RFNG: variants seen among roughly 807,000 people sequenced by gnomAD.
RFNG encodes beta-1,3-N-acetylglucosaminyltransferase radical fringe.
In RFNG, 37 loss-of-function variants were observed where a neutral mutation model predicts 29.6. The observed-to-expected ratio is 1.25, with a 90% CI of 0.96 to 1.65. The LOEUF (loss-of-function observed/expected upper bound fraction) is 1.65, where lower values mean the gene tolerates loss of function less well. Ranked by LOEUF, RFNG falls within the 40% of genes most tolerant of loss-of-function variation. RFNG has a pLI of 0.00. For missense variants in RFNG, 546 were observed against 457.0 expected (o/e 1.19, Z -1.78); for synonymous variants, 276 against 197.3 (o/e 1.40, Z -3.34).
chr17:82,049,178 C>CCG, intron 6 of RFNG, 62 bp from the exon 7 acceptor site: 1 of 1,428,584 alleles, frequency 7.0e-7, no homozygotes, highest in Non-Finnish European at 9.8e-7. Context: ...ACGCCTGCCC[C>CCG]TGGCCAGGAG....
In RFNG at chr17:82,051,556, G is replaced by T; in HGVS notation, c.211C>A (p.His71Asn). ...AGCAGCAGCCGCAGGCGCGGCCCGT[G>T]GTTCTTCCGGGTGGTCTTGACGGCG... ...FIAVKTTRKN[H>N]GPRLRLLLRT... The change falls in exon 1 of 8, where the codon CAC becomes AAC. Residue 71 changes from histidine to asparagine, a missense_variant. Coordinates refer to ENST00000310496, the MANE Select transcript of RFNG (RefSeq NM_002917.2). The surrounding 1 kb of genome is among the most constrained non-coding windows in gnomAD (Gnocchi z 4.1). 1 of 1,395,920 alleles carries T rather than the reference G, an allele frequency of 7.2e-7. No individual in the cohort carries two copies. The highest frequency in any genetic ancestry group is 3.2e-5 in the East Asian group (1 of 31,326). 86.5% of individuals were successfully genotyped at this position (1,395,920 alleles called of 1,614,324 possible).
chr17:82,050,838 C>G, intron 2 of RFNG, 74 bp from the exon 3 acceptor site: 1 of 1,502,574 alleles, frequency 6.7e-7, no homozygotes, highest in South Asian at 1.2e-5. Context: ...GCCCCACCTG[C>G]CCCCAAGGGC....
In RFNG at chr17:82,051,663, G is replaced by A. The variant is rs1190461255; in HGVS notation, c.104C>T (p.Pro35Leu). The A allele has an allele frequency of 6.0e-6, 6 of 1,004,556 alleles. No individual in the cohort carries two copies. The highest frequency in any genetic ancestry group is 7.1e-6 in the Non-Finnish European group (6 of 843,880). The allele number at this position is 1,004,556 out of a possible 1,614,324, so 62.2% of individuals were successfully genotyped here. A position where few individuals can be genotyped will look rare whatever the true frequency, so the allele number is the denominator to read the frequency against. ...LPLPLPRAPAPARTPAPAPRA... is the reference protein window; with the variant it reads ...LPLPLPRAPALARTPAPAPRA... ...CGGGGCCGGGGCGGGGGTCCGGGCCGGGGCGGGCGCGCGGGGCAGCGGCAG... is the reference window on the plus strand; with the variant it reads ...CGGGGCCGGGGCGGGGGTCCGGGCCAGGGCGGGCGCGCGGGGCAGCGGCAG... Residue 35 changes from proline (P) to leucine (L), a missense_variant, in exon 1 of 8, where the codon CCG (proline) becomes CTG (leucine). Transcript: ENST00000310496. The surrounding 1 kb of genome is among the most constrained non-coding windows in gnomAD (Gnocchi z 4.1).
At position 82,049,851 on chromosome 17, in the gene RFNG, A is replaced by T; in HGVS notation, c.663-9T>A. The T allele has an allele frequency of 6.2e-7, 1 of 1,603,780 alleles. No individual in the cohort carries two copies. Among genetic ancestry groups the T allele is most frequent in the Non-Finnish European group, 8.5e-7 (1 of 1,175,250 alleles). On this transcript the variant is annotated splice_polypyrimidine_tract_variant and intron_variant, in intron 5 of 7. Coordinates refer to ENST00000310496, the MANE Select transcript of RFNG (RefSeq NM_002917.2). ...TCATGAAGCTGCCCAGGCTGGGGGG[A>T]GGCCGGTCAGCACCTTTCAGGTCTC...
intron 7 of RFNG, 49 bp from the exon 8 acceptor site, chr17:82,048,856 G>A (rs769921589): frequency 1.2e-4 from 185 of 1,535,402 alleles, no homozygotes; most frequent in Admixed American, 2.9e-4. Context: ...AGAGAGAAGC[G>A]GGGGCCAGGG....
In RFNG at chr17:82,051,282, G is replaced by T; in HGVS notation, c.316+12C>A. The T allele has an allele frequency of 7.2e-7, 1 of 1,382,832 alleles. No individual in the cohort carries two copies. The highest frequency in any genetic ancestry group is 9.4e-7 in the Non-Finnish European group (1 of 1,067,230). The allele number at this position is 1,382,832 out of a possible 1,614,324, so 85.7% of individuals were successfully genotyped here. ...CAGATCCCGCGGGCGCCGGGGAGTG[G>T]GGGACACTCACCGCCCTGGAGCTCG... is the stretch of plus-strand genomic sequence containing the variant. On this transcript the variant is annotated intron_variant, in intron 2 of 7. Coordinates refer to ENST00000310496, the MANE Select transcript of RFNG (RefSeq NM_002917.2). This position sits in a 1 kb window ranked among gnomAD's most constrained non-coding sequence, Gnocchi z 4.1.
rs1438461919 is a variant in RFNG, at chr17:82,051,798, G to C, written c.-32C>G. On this transcript the variant is annotated 5_prime_UTR_variant, in exon 1 of 8. Transcript: ENST00000310496. This position sits in a 1 kb window ranked among gnomAD's most constrained non-coding sequence, Gnocchi z 4.1. ...GCCGGGACCCCCGGCGCTGCGAGCG[G>C]AGAACCTGGCCGGAGCCGTGGGTGG... 3.5e-6 allele frequency: 4 copies of C among 1,128,270 alleles called. No homozygotes were observed. The East Asian group carries it at 1.4e-4, about 38-fold the overall frequency. 69.9% of individuals were successfully genotyped at this position (1,128,270 alleles called of 1,614,324 possible).
intron 6 of RFNG, 85 bp downstream of exon 6, chr17:82,049,592 C>A (rs1206975472): frequency 2.1e-6 from 3 of 1,425,460 alleles, no homozygotes; most frequent in Middle Eastern, 1.8e-4. Flanking sequence ...CTCAGCCGGG[C>A]ATCGGGCCGG....
intron 6 of RFNG, 171 bp downstream of exon 6, chr17:82,049,506 T>G: frequency 1.3e-6 from 1 of 787,374 alleles, no homozygotes; most frequent in Non-Finnish European, 2.2e-6. Context: ...CATCTGTACG[T>G]GAGGACCCTG....
At chr17:82,050,964 G>A (rs980579087) in intron 2 of RFNG, 200 bp from the exon 3 acceptor site, 18 of 1,428,490 alleles carry the variant, frequency 1.3e-5, no homozygotes, top group Non-Finnish European at 1.6e-5. Flanking sequence ...GGCGGCCATC[G>A]GTTGGGATCT....
chr17:82,049,594 T>C (rs1315595674), intron 6 of RFNG, 83 bp downstream of exon 6: 2 of 1,437,948 alleles, frequency 1.4e-6, no homozygotes, highest in Admixed American at 4.3e-5. Context: ...CAGCCGGGCA[T>C]CGGGCCGGGG....
intron 6 of RFNG, chr17:82,049,451 G>A (rs1203648028): frequency 2.8e-6 from 2 of 713,106 alleles, no homozygotes; most frequent in Non-Finnish European, 5.1e-6. Context: ...ACTGGCCCGA[G>A]AACTGTGCTT....
rs2030074896 is a variant in RFNG at position 82,048,735 on chromosome 17, G to A, written c.987C>T (p.Thr329=). Reference sequence around the variant, plus strand: ...GTCGGGGTGGTTGGTGTCACCGAGAGGTCGGGGCGCCCTGTTTCTGCCTGG... The same window carrying A: ...GTCGGGGTGGTTGGTGTCACCGAGAAGTCGGGGCGCCCTGTTTCTGCCTGG... ...WCPRQKQGAP[T]SR The change falls in exon 8 of 8, where the codon ACC becomes ACT. Residue 329 remains threonine, a synonymous_variant. Transcript: ENST00000310496. 3 of 1,612,768 alleles carry A rather than the reference G, an allele frequency of 1.9e-6. No individual in the cohort carries two copies. Among genetic ancestry groups the A allele is most frequent in the Non-Finnish European group, 2.5e-6 (3 of 1,179,778 alleles).
intron 3 of RFNG, 30 bp from the exon 4 acceptor site, chr17:82,050,585 G>T: frequency 1.9e-6 from 3 of 1,608,660 alleles, no homozygotes; most frequent in Non-Finnish European, 1.7e-6. Context: ...TGGGCACGAG[G>T]GCCTGGCATG....
At chr17:82,050,863 GCTGT>G in intron 2 of RFNG, 99 bp from the exon 3 acceptor site, 2 of 1,446,520 alleles carry the variant, frequency 1.4e-6, no homozygotes, top group Non-Finnish European at 1.9e-6. Context: ...GCACAACGTG[GCTGT>G]CTGACATGCC....
intron 4 of RFNG, 94 bp from the exon 5 acceptor site, chr17:82,050,100 C>G: frequency 9.1e-7 from 1 of 1,104,728 alleles, no homozygotes; most frequent in Non-Finnish European, 1.3e-6. Flanking sequence ...TAAGCTGCCC[C>G]TTAGGAGATC....
At position 82,051,253 on chromosome 17, in the gene RFNG, G is replaced by A; in HGVS notation, c.316+41C>T. On this transcript the variant is annotated intron_variant, in intron 2 of 7. Transcript: ENST00000310496. This position sits in a 1 kb window ranked among gnomAD's most constrained non-coding sequence, Gnocchi z 4.1. ...TGGCTTCGGAGCGAGAAAGGCTCGG[G>A]GGGCAGATCCCGCGGGCGCCGGGGA... The A allele has an allele frequency of 5.2e-6, 7 of 1,342,318 alleles. No individual in the cohort carries two copies. In the South Asian group the frequency reaches 7.0e-5, roughly 13 times the overall value. 83.2% of individuals were successfully genotyped at this position (1,342,318 alleles called of 1,614,324 possible).
Position 82,051,471 on chromosome 17 carries a change from C to T in RFNG, c.267+29G>A. 7.4e-7 allele frequency: 1 copy of T among 1,349,034 alleles called. No homozygotes were observed. The highest frequency in any genetic ancestry group is 9.5e-7 in the Non-Finnish European group (1 of 1,048,030). 83.6% of individuals were successfully genotyped at this position (1,349,034 alleles called of 1,614,324 possible). On this transcript the variant is annotated intron_variant, in intron 1 of 7. Transcript: ENST00000310496. The surrounding 1 kb of genome is among the most constrained non-coding windows in gnomAD (Gnocchi z 4.1). ...GGAGGCGGGGCGGGTGGGCGTGGGGCTCGCCGTCGGGGTCGGGGTCCGGCG... is the reference window on the plus strand; with the variant it reads ...GGAGGCGGGGCGGGTGGGCGTGGGGTTCGCCGTCGGGGTCGGGGTCCGGCG...
chr17:82,051,008 T>C lies in RFNG; in HGVS notation c.317-244A>G. ...GAAACAGGACGGAGGCAGCTCGCCC[T>C]GACCTGGCCTGGAAGGGCGGATTCC... On this transcript the variant is annotated intron_variant, in intron 2 of 7. Coordinates refer to ENST00000310496, the MANE Select transcript of RFNG (RefSeq NM_002917.2). The surrounding 1 kb of genome is among the most constrained non-coding windows in gnomAD (Gnocchi z 4.1). 2.8e-6 allele frequency: 4 copies of C among 1,408,426 alleles called. No homozygotes were observed. Among genetic ancestry groups the C allele is most frequent in the African/African-American group, 1.4e-5 (1 of 69,108 alleles). 87.2% of individuals were successfully genotyped at this position (1,408,426 alleles called of 1,614,324 possible).
Sources: allele counts gnomAD v4.1 joint callset, GRCh38; gene constraint gnomAD v4.1.1; non-coding constraint Gnocchi (gnomAD v3.1); transcripts MANE v1.5; gene names NCBI Gene and HGNC (gene_info 2026-07-23, HGNC 2026-07-21).